Variants in ZNF697 observed in about 807,000 individuals in gnomAD.
ZNF697 encodes the protein zinc finger protein 697.
Under a neutral mutation model 32.4 loss-of-function variants are expected in ZNF697, and 23 were observed. The ratio of observed to expected loss-of-function variants is 0.71; its 90% CI spans 0.51 to 1.01. The LOEUF is 1.01. Ranked by LOEUF, ZNF697 falls within the 50% of genes least tolerant of loss-of-function variation. The probability of loss-of-function intolerance (pLI) is 0.00; values close to 1 mark genes in which losing one functional copy is unlikely to be tolerated. For missense variants in ZNF697, 930 were observed against 794.0 expected (o/e 1.17, Z -2.06); for synonymous variants, 418 against 337.2 (o/e 1.24, Z -2.62).
intron 1 of ZNF697, among the ~76,000 whole-genome samples, chr1:119,635,462 C>T (rs1648894926): frequency 6.6e-6 from 1 of 152,014 alleles, no homozygotes; most frequent in African/African-American, 2.4e-5. Context: ...TTTATATTTC[C>T]AAACAACTAA....
chr1:119,621,503 TAC>T lies in ZNF697; in HGVS notation c.*1200_*1201del. On this transcript the variant is annotated 3_prime_UTR_variant, in exon 3 of 3. Coordinates refer to ENST00000421812, the MANE Select transcript of ZNF697 (RefSeq NM_001080470.2). ...TTGTGCTATTTGGCAATTTTGCATTTACACCTCTCCCTGACTGGGCTCTTCTG... is the reference window on the plus strand; with the variant it reads ...TTGTGCTATTTGGCAATTTTGCATTTACCTCTCCCTGACTGGGCTCTTCTG... 1 of 152,804 alleles carries T rather than the reference TAC, an allele frequency of 6.5e-6. No individual in the cohort carries two copies. The highest frequency in any genetic ancestry group is 2.4e-5 in the African/African-American group (1 of 41,586). The allele number at this position is 152,804 out of a possible 1,614,324, so 9.5% of individuals were successfully genotyped here.
chr1:119,630,654 A>G (rs587656820), intron 1 of ZNF697, among the ~76,000 whole-genome samples: 1 of 152,332 alleles, frequency 6.6e-6, no homozygotes, highest in Admixed American at 6.5e-5. Context: ...TAAAAAGAGA[A>G]AAAGACTCCA....
chr1:119,629,534 C>T (rs1403885286), intron 1 of ZNF697, among the ~76,000 whole-genome samples: 2 of 152,238 alleles, frequency 1.3e-5, no homozygotes, highest in African/African-American at 4.8e-5. Flanking sequence ...TTACCTTGTA[C>T]AAGTTTCTTA....
At chr1:119,636,792 A>G (rs1483594339) in intron 1 of ZNF697, among the ~76,000 whole-genome samples, 1 of 152,198 alleles carries the variant, frequency 6.6e-6, no homozygotes, top group Non-Finnish European at 1.5e-5. Context: ...TCAATCCAAC[A>G]TAACCTTTGG....
intron 1 of ZNF697, among the ~76,000 whole-genome samples, chr1:119,627,545 T>C (rs587704381): frequency 1.1e-4 from 16 of 152,308 alleles, no homozygotes; most frequent in African/African-American, 3.6e-4. Context: ...AAGCGTGTAA[T>C]ACACACATTT....
chr1:119,628,685 A>C (rs898255168), intron 1 of ZNF697, among the ~76,000 whole-genome samples: 2 of 152,232 alleles, frequency 1.3e-5, no homozygotes, highest in African/African-American at 4.8e-5. Flanking sequence ...ATGTTAGTGC[A>C]AAACTGGAAA....
At chr1:119,630,059 G>A (rs1648716790) in intron 1 of ZNF697, among the ~76,000 whole-genome samples, 1 of 152,208 alleles carries the variant, frequency 6.6e-6, no homozygotes, top group Non-Finnish European at 1.5e-5. Context: ...CAATAAGAAG[G>A]AATAGAAGTT....
intron 1 of ZNF697, among the ~76,000 whole-genome samples, chr1:119,637,101 T>C (rs2101091722): frequency 6.6e-6 from 1 of 152,344 alleles, no homozygotes; most frequent in Non-Finnish European, 1.5e-5. Context: ...GGAAAAAGAA[T>C]TACAATCTGG....
At chr1:119,634,163 A>G (rs981457891) in intron 1 of ZNF697, among the ~76,000 whole-genome samples, 1 of 152,222 alleles carries the variant, frequency 6.6e-6, no homozygotes, top group Non-Finnish European at 1.5e-5. Flanking sequence ...TGATTCTGTG[A>G]TCATATTTCC....
rs778081238 is a variant in ZNF697 at position 119,623,184 on chromosome 1, C to T, written c.1159G>A (p.Gly387Ser). ...TCCGAGCGCCAGCTGAAGCGCTTGCCGCACTCGCCACAGCCGTGCGGCTTC... is the reference window on the plus strand; with the variant it reads ...TCCGAGCGCCAGCTGAAGCGCTTGCTGCACTCGCCACAGCCGTGCGGCTTC... ...GEKPHGCGEC[G>S]KRFSWRSDLV... Residue 387 changes from glycine to serine, a missense_variant, in exon 3 of 3, where the codon GGC becomes AGC. By Grantham distance (56) the Gly-to-Ser change is moderately conservative. Transcript: ENST00000421812. The T allele has an allele frequency of 1.9e-6, 3 of 1,563,554 alleles. No homozygotes were observed. The highest frequency in any genetic ancestry group is 1.2e-5 in the South Asian group (1 of 86,692).
chr1:119,624,114 C>A lies in ZNF697; in HGVS notation c.229G>T (p.Gly77Trp), dbSNP rs747207105. 1.3e-6 allele frequency: 2 copies of A among 1,557,476 alleles called. No homozygotes were observed. Among genetic ancestry groups the A allele is most frequent in the Admixed American group, 3.8e-5 (2 of 53,176 alleles). Reference protein sequence around the residue: ...REAVPDICTEGQLSEEEGVSV... With the variant: ...REAVPDICTEWQLSEEEGVSV... ...ACGCCTTCTTCCTCACTCAGCTGCC[C>A]CTCTGCAACAGAAAAAGGTGGCAGT... Residue 77 changes from glycine (G) to tryptophan (W), a missense_variant and splice_region_variant, in exon 3 of 3, where the codon GGG (glycine) becomes TGG (tryptophan). Gly to Trp is a radical substitution (Grantham distance 184, BLOSUM62 -2). Coordinates refer to ENST00000421812, the MANE Select transcript of ZNF697 (RefSeq NM_001080470.2).
chr1:119,645,332 T>C (rs1649173696), intron 1 of ZNF697, among the ~76,000 whole-genome samples: 1 of 152,248 alleles, frequency 6.6e-6, no homozygotes, highest in Admixed American at 6.5e-5. Flanking sequence ...CTTTGATTTA[T>C]TCATGTTTTC....
chr1:119,623,116 G>A lies in ZNF697; in HGVS notation c.1227C>T (p.Tyr409=), dbSNP rs912055511. ...HQRVHTGEKP[Y]MCSECGETFS... is the part of the protein sequence containing the mutation. ...AGGTCTCGCCGCACTCGGAGCACAT[G>A]TAGGGCTTCTCGCCCGTGTGCACGC... is the stretch of plus-strand genomic sequence containing the variant. Residue 409 remains tyrosine, a synonymous_variant, in exon 3 of 3, where the codon TAC becomes TAT. Coordinates refer to ENST00000421812, the MANE Select transcript of ZNF697 (RefSeq NM_001080470.2). 1.9e-5 allele frequency: 30 copies of A among 1,591,826 alleles called. No individual in the cohort carries two copies. Among genetic ancestry groups the A allele is most frequent in the African/African-American group, 4.0e-5 (3 of 74,266 alleles).
intron 2 of ZNF697, 123 bp from the exon 3 acceptor site, chr1:119,624,239 C>T: frequency 8.3e-7 from 1 of 1,205,934 alleles, no homozygotes; most frequent in South Asian, 1.8e-5. Flanking sequence ...CCCTGCCCCT[C>T]CAAGACCCCC....
intron 1 of ZNF697, among the ~76,000 whole-genome samples, chr1:119,631,799 A>T (rs1307177967): frequency 6.6e-6 from 1 of 151,656 alleles, no homozygotes; most frequent in Non-Finnish European, 1.5e-5. Context: ...TCTCCCACTC[A>T]TCTCGAGGGT....
At chr1:119,638,291 A>G (rs587653464) in intron 1 of ZNF697, among the ~76,000 whole-genome samples, 1 of 152,350 alleles carries the variant, frequency 6.6e-6, no homozygotes, top group South Asian at 2.1e-4. Flanking sequence ...TTCCCAGTGA[A>G]CTCGGGCTTC....
intron 1 of ZNF697, among the ~76,000 whole-genome samples, chr1:119,636,128 T>G (rs1369597526): frequency 6.6e-6 from 1 of 152,178 alleles, no homozygotes; most frequent in East Asian, 1.9e-4. Flanking sequence ...AGGTTCAGTC[T>G]GGGTTCCTTA....
At chr1:119,631,626 C>T (rs911921685) in intron 1 of ZNF697, among the ~76,000 whole-genome samples, 10 of 152,050 alleles carry the variant, frequency 6.6e-5, no homozygotes, top group South Asian at 2.1e-4. Flanking sequence ...GCCCCGCCAG[C>T]CCCCAGGGCA....
rs780628830 is a variant in ZNF697 at position 119,623,429 on chromosome 1, A to C, written c.914T>G (p.Leu305Arg). The change falls in exon 3 of 3, where the codon CTC (leucine) becomes CGC (arginine). Residue 305 changes from leucine (L) to arginine (R), a missense_variant. Transcript: ENST00000421812. Reference protein sequence around the residue: ...GKSFSWRADLLKHRRLHTGEK... With the variant: ...GKSFSWRADLRKHRRLHTGEK... ...GCCCGTGTGCAGGCGCCGGTGCTTG[A>C]GCAGGTCGGCGCGCCAGCTGAAGCT... The C allele has an allele frequency of 1.4e-5, 21 of 1,536,284 alleles. No individual in the cohort carries two copies. The Admixed American group carries it at 4.2e-4, about 31-fold the overall frequency.
Sources: gnomAD v4.1 joint callset for allele counts (sites outside exome capture counted in the v4.1 genomes callset) on GRCh38, gnomAD v4.1.1 for gene constraint, MANE v1.5 for transcripts, NCBI Gene and HGNC (gene_info 2026-07-23, HGNC 2026-07-21) for gene names.